Variants in CCBE1 observed in about 807,000 individuals in gnomAD.
CCBE1 encodes the protein collagen and calcium-binding EGF domain-containing protein 1.
CCBE1 carries 37 observed loss-of-function variants against 50.0 expected under a neutral mutation model. That is an observed-to-expected ratio of 0.74 (90% CI 0.57 to 0.97). CCBE1 has a LOEUF of 0.97. Ranked by LOEUF, CCBE1 falls within the 50% of genes least tolerant of loss-of-function variation. The pLI is 0.00. For synonymous variants in CCBE1, 234 were observed against 203.7 expected (o/e 1.15, Z -1.27); for missense variants, 538 against 523.8 (o/e 1.03, Z -0.26).
At chr18:59,573,156 G>T (rs116798865) in intron 2 of CCBE1, among the ~76,000 whole-genome samples, 1 of 150,818 alleles carries the variant, frequency 6.6e-6, no homozygotes, top group African/African-American at 2.4e-5. Context: ...AAGGTGGTGC[G>T]CACCTGTAAT....
intron 2 of CCBE1, among the ~76,000 whole-genome samples, chr18:59,574,531 C>T (rs2052963417): frequency 1.3e-5 from 2 of 152,256 alleles, no homozygotes; most frequent in African/African-American, 2.4e-5. Context: ...CAAACTTCCT[C>T]CCAAAAGTTA....
chr18:59,547,054 G>GGACAGAGGGGGAGAGAGGGA (rs1915718004), intron 2 of CCBE1, among the ~76,000 whole-genome samples: 1 of 98,578 alleles, frequency 1.0e-5, no homozygotes, highest in African/African-American at 4.2e-5. Context: ...GGAGAGAGGG[G>GGACAGAGGGGGAGAGAGGGA]GAGAGAGGGG....
At chr18:59,534,843 A>G (rs768828930) in intron 2 of CCBE1, among the ~76,000 whole-genome samples, 31 of 152,216 alleles carry the variant, frequency 2.0e-4, no homozygotes, top group Non-Finnish European at 3.7e-4. Flanking sequence ...GACCATGCAT[A>G]TAGAAATGCT....
intron 2 of CCBE1, among the ~76,000 whole-genome samples, chr18:59,600,715 C>T (rs895863733): frequency 1.2e-4 from 18 of 152,188 alleles, no homozygotes; most frequent in Non-Finnish European, 1.3e-4. Context: ...CCCATCTCCT[C>T]CTGCCCACTG....
At chr18:59,538,501 C>G (rs1412805572) in intron 2 of CCBE1, among the ~76,000 whole-genome samples, 1 of 152,142 alleles carries the variant, frequency 6.6e-6, no homozygotes, top group Non-Finnish European at 1.5e-5. Context: ...TCTTGGCCAT[C>G]TGATTAAGTA....
At chr18:59,451,279 C>T (rs1910917166) in intron 6 of CCBE1, among the ~76,000 whole-genome samples, 1 of 151,918 alleles carries the variant, frequency 6.6e-6, no homozygotes, top group Non-Finnish European at 1.5e-5. Flanking sequence ...CAGGCAGCCA[C>T]CGAGGGAGGC....
chr18:59,644,118 C>A (rs1042852731), intron 2 of CCBE1, among the ~76,000 whole-genome samples: 1 of 152,156 alleles, frequency 6.6e-6, no homozygotes, highest in Non-Finnish European at 1.5e-5. Context: ...ACTGTTCCGC[C>A]TTAGATCATG....
chr18:59,588,544 C>T (rs766496070), intron 2 of CCBE1, among the ~76,000 whole-genome samples: 59 of 152,252 alleles, frequency 3.9e-4, no homozygotes, highest in Non-Finnish European at 7.1e-4. Flanking sequence ...ATTGGAACCA[C>T]GCAGTATGTT....
intron 2 of CCBE1, among the ~76,000 whole-genome samples, chr18:59,579,235 A>G (rs895890932): frequency 6.6e-6 from 1 of 152,196 alleles, no homozygotes; most frequent in African/African-American, 2.4e-5. Context: ...AGATTTGCTA[A>G]AAGTAGCTGG....
intron 3 of CCBE1, among the ~76,000 whole-genome samples, chr18:59,470,225 T>G (rs1789482): frequency 6.6e-6 from 1 of 151,990 alleles, no homozygotes; most frequent in Non-Finnish European, 1.5e-5. Flanking sequence ...GGAGCAAAGC[T>G]GCTTCTTACA....
Position 59,444,058 on chromosome 18 carries a change from G to A in CCBE1, c.775+3925C>T, listed in dbSNP as rs76097164. 9.6e-3 allele frequency among the ~76,000 whole-genome samples: 1,463 copies of A among 152,186 alleles called. 83 individuals carry two copies. The East Asian group carries it at 0.16, about 17-fold the overall frequency. ...CCTTAAGATTCATCTATATTGTTCC[G>A]TGTCAAAATTTCCATCTTTTTAAAG... On this transcript the variant is annotated intron_variant, in intron 7 of 10. Transcript: ENST00000439986.
At chr18:59,538,032 A>G (rs1301770982) in intron 2 of CCBE1, among the ~76,000 whole-genome samples, 1 of 152,250 alleles carries the variant, frequency 6.6e-6, no homozygotes, top group Non-Finnish European at 1.5e-5. Context: ...AAAACAGGCT[A>G]CATTGTCAAA....
At position 59,431,754 on chromosome 18, in the gene CCBE1, T is replaced by C. The variant is rs1008450747; in HGVS notation, c.*4154A>G. On this transcript the variant is annotated 3_prime_UTR_variant, in exon 11 of 11. Transcript: ENST00000439986. ...TTATTATTTACTTGTTGGGCTATGA[T>C]ACTCCTGAGTTTATACAGTAGAAAT... 4 of 152,270 alleles carry C rather than the reference T, an allele frequency of 2.6e-5. No homozygotes were observed. Among genetic ancestry groups the C allele is most frequent in the Non-Finnish European group, 5.9e-5 (4 of 68,054 alleles). The allele number at this position is 152,270 out of a possible 1,614,324, so 9.4% of individuals were successfully genotyped here.
chr18:59,671,858 AT>A (rs1161325555), intron 2 of CCBE1, among the ~76,000 whole-genome samples: 2 of 152,050 alleles, frequency 1.3e-5, no homozygotes, highest in Non-Finnish European at 2.9e-5. Flanking sequence ...TAGAGAGCAG[AT>A]TTAATGAGCT....
intron 2 of CCBE1, among the ~76,000 whole-genome samples, chr18:59,594,797 A>T (rs772537955): frequency 5.3e-5 from 8 of 152,240 alleles, no homozygotes; most frequent in African/African-American, 1.9e-4. Context: ...TCCCAGAGAC[A>T]GTCCCTAAGG....
chr18:59,535,010 G>A (rs1944989), intron 2 of CCBE1, among the ~76,000 whole-genome samples: 42,261 of 152,118 alleles, frequency 0.28, 6,069 homozygotes, highest in African/African-American at 0.33. Context: ...AATGTTACAC[G>A]ATAGCTCCTT....
rs185228170 is a variant in CCBE1 at position 59,560,152 on chromosome 18, A to C, written c.213-79914T>G. On this transcript the variant is annotated intron_variant, in intron 2 of 10. Coordinates refer to ENST00000439986, the MANE Select transcript of CCBE1 (RefSeq NM_133459.4). ...CTGGTAGCCAGACTATATAGCAGGC[A>C]CAAGCCCTACAGGTAGTTAGCCAGG... Among the ~76,000 whole-genome samples the C allele has an allele frequency of 2.6e-4, 39 of 152,366 alleles. 1 individual carries two copies. The highest frequency in any genetic ancestry group is 2.2e-3 in the Admixed American group (34 of 15,308).
intron 2 of CCBE1, among the ~76,000 whole-genome samples, chr18:59,508,716 T>A: frequency 7.1e-6 from 1 of 141,614 alleles, no homozygotes; most frequent in South Asian, 2.4e-4. Context: ...TTACGCTTTT[T>A]TTTTTTTTTT....
At chr18:59,637,449 C>T (rs972656469) in intron 2 of CCBE1, among the ~76,000 whole-genome samples, 5 of 151,988 alleles carry the variant, frequency 3.3e-5, no homozygotes, top group African/African-American at 1.2e-4. Context: ...AAGTAAAACA[C>T]ACCACACACA....
Sources: allele counts gnomAD v4.1 joint callset (sites outside exome capture counted in the v4.1 genomes callset), GRCh38; gene constraint gnomAD v4.1.1; transcripts MANE v1.5; gene names NCBI Gene and HGNC (gene_info 2026-07-23, HGNC 2026-07-21).